TNFAIP8: variants seen among roughly 807,000 people sequenced by gnomAD.
TNFAIP8 encodes the protein tumor necrosis factor alpha-induced protein 8.
A neutral mutation model predicts 13.3 loss-of-function variants in TNFAIP8; 7 were observed. That is an observed-to-expected ratio of 0.52 (90% CI 0.30 to 0.99). TNFAIP8 has a LOEUF of 0.99. TNFAIP8 is among the 50% of genes least tolerant of loss of function. The pLI is 0.07. For missense variants in TNFAIP8, 258 were observed against 236.9 expected, an observed-to-expected ratio of 1.09 and a Z score of -0.58; for synonymous variants, 94 against 87.6, an observed-to-expected ratio of 1.07 and a Z score of -0.41.
chr5:119,270,987 T>C (rs1249370691), intron 1 of TNFAIP8, among the ~76,000 whole-genome samples: 1 of 152,236 alleles, frequency 6.6e-6, no homozygotes, highest in African/African-American at 2.4e-5. Context: ...TTGGTGTGAG[T>C]TGAGAAATCT....
chr5:119,330,927 C>T (rs573769188), intron 1 of TNFAIP8, among the ~76,000 whole-genome samples: 5 of 152,284 alleles, frequency 3.3e-5, no homozygotes, highest in Admixed American at 6.5e-5. Context: ...ATTAGCCCTG[C>T]GCTTCTGCTG....
chr5:119,338,036 A>G (rs1750610557), intron 1 of TNFAIP8, among the ~76,000 whole-genome samples: 1 of 152,076 alleles, frequency 6.6e-6, no homozygotes, highest in African/African-American at 2.4e-5. Context: ...ACTGCTGAAT[A>G]ATGTTCCTCC....
At chr5:119,271,249 G>A (rs1187461525) in intron 1 of TNFAIP8, among the ~76,000 whole-genome samples, 1 of 152,200 alleles carries the variant, frequency 6.6e-6, no homozygotes. Context: ...TACTAATTAG[G>A]AAATGCTGAG....
chr5:119,327,536 G>A (rs956910276), intron 1 of TNFAIP8, among the ~76,000 whole-genome samples: 1 of 152,150 alleles, frequency 6.6e-6, no homozygotes, highest in Non-Finnish European at 1.5e-5. Context: ...TCTGCTCACT[G>A]CAACCTCTGC....
At chr5:119,338,815 G>C (rs1283807864) in intron 1 of TNFAIP8, among the ~76,000 whole-genome samples, 1 of 152,184 alleles carries the variant, frequency 6.6e-6, no homozygotes, top group Non-Finnish European at 1.5e-5. Flanking sequence ...TGATTTAGCA[G>C]TTCAGTGATG....
At chr5:119,385,210 A>T (rs1481088445) in intron 1 of TNFAIP8, among the ~76,000 whole-genome samples, 1 of 152,208 alleles carries the variant, frequency 6.6e-6, no homozygotes, top group African/African-American at 2.4e-5. Context: ...ACTGTGTTTC[A>T]AATAAATTGC....
intron 1 of TNFAIP8, chr5:119,306,299 C>G (rs2112661301): frequency 6.8e-6 from 1 of 147,212 alleles, no homozygotes; most frequent in Middle Eastern, 3.4e-3. Context: ...TTTCTCTTTT[C>G]TTTTTTCTTT....
At chr5:119,347,862 C>T (rs939994661) in intron 1 of TNFAIP8, among the ~76,000 whole-genome samples, 1 of 152,156 alleles carries the variant, frequency 6.6e-6, no homozygotes, top group South Asian at 2.1e-4. Context: ...TCAGTTGGCA[C>T]AATTGTTAAT....
At chr5:119,286,445 C>A (rs1748780033) in intron 1 of TNFAIP8, among the ~76,000 whole-genome samples, 1 of 152,086 alleles carries the variant, frequency 6.6e-6, no homozygotes, top group African/African-American at 2.4e-5. Context: ...CACGGTGAAA[C>A]CCCGTCTCTA....
At chr5:119,287,536 A>G (rs1748843162) in intron 1 of TNFAIP8, among the ~76,000 whole-genome samples, 1 of 152,106 alleles carries the variant, frequency 6.6e-6, no homozygotes, top group Non-Finnish European at 1.5e-5. Context: ...GCCGTGCTGT[A>G]TATTAGATCT....
intron 1 of TNFAIP8, among the ~76,000 whole-genome samples, chr5:119,334,139 C>CAAAA (rs57346323): frequency 5.7e-5 from 6 of 104,446 alleles, no homozygotes; most frequent in African/African-American, 1.6e-4. Context: ...CTCTAACAAC[C>CAAAA]AAAAAAAAAA....
At chr5:119,307,906 G>T (rs1214373212) in intron 1 of TNFAIP8, among the ~76,000 whole-genome samples, 2 of 152,170 alleles carry the variant, frequency 1.3e-5, no homozygotes, top group African/African-American at 4.8e-5. Flanking sequence ...ATGTTTATCA[G>T]TAGCTAGTAC....
chr5:119,320,975 G>A (rs568177937), intron 1 of TNFAIP8, among the ~76,000 whole-genome samples: 43 of 152,274 alleles, frequency 2.8e-4, no homozygotes, highest in Non-Finnish European at 5.0e-4. Context: ...CCAACACTCC[G>A]GGAGGCCGAG....
intron 1 of TNFAIP8, among the ~76,000 whole-genome samples, chr5:119,307,261 T>TAA (rs1474895893): frequency 1.3e-5 from 2 of 152,224 alleles, no homozygotes; most frequent in Non-Finnish European, 2.9e-5. Context: ...AGAATTCGCT[T>TAA]ATTGTTGAAC....
chr5:119,291,805 T>C (rs1277390824), intron 1 of TNFAIP8, among the ~76,000 whole-genome samples: 1 of 152,202 alleles, frequency 6.6e-6, no homozygotes, highest in African/African-American at 2.4e-5. Context: ...AAGTTGGAGA[T>C]TTCTTCTTTC....
chr5:119,292,645 CATATATATATATATATATATATAT>C (rs56896742), intron 1 of TNFAIP8, among the ~76,000 whole-genome samples: 3 of 32,812 alleles, frequency 9.1e-5, no homozygotes, highest in African/African-American at 1.2e-4. Flanking sequence ...ATCAATGTAG[CATATATATATATATATATATATAT>C]ATATATATAT....
intron 1 of TNFAIP8, among the ~76,000 whole-genome samples, chr5:119,300,965 C>T (rs1749371976): frequency 1.3e-5 from 2 of 152,082 alleles, no homozygotes; most frequent in Non-Finnish European, 2.9e-5. Context: ...TTTAGGGTGC[C>T]TCACACTAAA....
intron 1 of TNFAIP8, among the ~76,000 whole-genome samples, chr5:119,296,520 T>C (rs1370515610): frequency 2.0e-5 from 3 of 152,178 alleles, no homozygotes; most frequent in Non-Finnish European, 4.4e-5. Flanking sequence ...CTGTTGGATT[T>C]GGTTTGCCAG....
intron 1 of TNFAIP8, among the ~76,000 whole-genome samples, chr5:119,338,165 G>GACACACACCCACAC (rs1750616737): frequency 8.0e-6 from 1 of 125,166 alleles, no homozygotes; most frequent in Non-Finnish European, 1.7e-5. Flanking sequence ...CTGGAACTTT[G>GACACACACCCACAC]ACACACACAC....
Sources: gnomAD v4.1 joint callset for allele counts (sites outside exome capture counted in the v4.1 genomes callset) on GRCh38, gnomAD v4.1.1 for gene constraint, MANE v1.5 for transcripts, NCBI Gene and HGNC (gene_info 2026-07-23, HGNC 2026-07-21) for gene names.